APP: variants seen among roughly 807,000 people sequenced by gnomAD.
APP encodes the protein amyloid beta precursor protein, also known as amyloid-beta precursor protein.
Under a neutral mutation model 101.4 loss-of-function variants are expected in APP, and 31 were observed. The ratio of observed to expected loss-of-function variants is 0.31; its 90% confidence interval spans 0.23 to 0.41. The LOEUF (loss-of-function observed/expected upper bound fraction) is 0.41. Ranked by LOEUF, APP falls within the 10% of genes least tolerant of loss-of-function variation. APP has a pLI of 1.00. For missense variants in APP, 839 were observed against 1,003.7 expected (o/e 0.84, Z 2.22); for synonymous variants, 366 against 364.4 (o/e 1.00, Z -0.05).
intron 1 of APP, among the ~76,000 whole-genome samples, chr21:26,114,308 A>G (rs570576759): frequency 1.3e-5 from 2 of 152,292 alleles, no homozygotes; most frequent in East Asian, 3.9e-4. Context: ...CCAGCCTCCA[A>G]GAAGGCCCCC....
At position 26,124,758 on chromosome 21, in the gene APP, C is replaced by T. The variant is rs77352332; in HGVS notation, c.58-12612G>A. 5.5e-4 allele frequency among the ~76,000 whole-genome samples: 84 copies of T among 152,308 alleles called. 1 individual carries two copies. The highest frequency in any genetic ancestry group is 9.3e-4 in the Non-Finnish European group (63 of 68,026). ...ATGCTGATGGTTATCAAACACATGC[C>T]GTTCCCACTCTACACAGATAAGATT... is the stretch of plus-strand genomic sequence containing the variant. On this transcript the variant is annotated intron_variant, in intron 1 of 17. Transcript: ENST00000346798.
At chr21:25,883,089 A>T (rs771243981) in intron 17 of APP, among the ~76,000 whole-genome samples, 1 of 152,186 alleles carries the variant, frequency 6.6e-6, no homozygotes, top group Non-Finnish European at 1.5e-5. Flanking sequence ...ACACTGGCTG[A>T]TAACAATTCA....
At chr21:25,889,638 C>G (rs924374312) in intron 17 of APP, among the ~76,000 whole-genome samples, 6 of 152,152 alleles carry the variant, frequency 3.9e-5, no homozygotes, top group African/African-American at 1.2e-4. Context: ...GCCAGGAATT[C>G]AAGACCAGCC....
chr21:25,984,120 C>T (rs1191421631), intron 8 of APP, among the ~76,000 whole-genome samples: 1 of 152,164 alleles, frequency 6.6e-6, no homozygotes, highest in East Asian at 1.9e-4. Context: ...CTTCCCTCCT[C>T]CTCTGCTTAA....
intron 8 of APP, among the ~76,000 whole-genome samples, chr21:25,990,082 A>C (rs539260715): frequency 2.0e-5 from 3 of 150,324 alleles, no homozygotes; most frequent in Non-Finnish European, 4.4e-5. Context: ...GTAATACCAG[A>C]CTCTCTTAAA....
At chr21:26,024,444 T>C (rs547592502) in intron 5 of APP, among the ~76,000 whole-genome samples, 2 of 152,136 alleles carry the variant, frequency 1.3e-5, no homozygotes, top group Non-Finnish European at 2.9e-5. Context: ...AGCCTTGGAC[T>C]CGTAGTGAGA....
At chr21:25,998,628 C>T (rs73338758) in intron 7 of APP, among the ~76,000 whole-genome samples, 4,795 of 152,162 alleles carry the variant, frequency 0.032, 267 homozygotes, top group African/African-American at 0.11. Context: ...CTAGGAATCT[C>T]AGGCAGGAAA....
intron 8 of APP, among the ~76,000 whole-genome samples, chr21:25,990,476 T>TTA (rs1365445976): frequency 6.6e-6 from 1 of 152,194 alleles, no homozygotes; most frequent in Non-Finnish European, 1.5e-5. Context: ...GGGTTAACCT[T>TTA]AGGTTATTGT....
chr21:26,037,040 T>C (rs1373284988), intron 5 of APP, among the ~76,000 whole-genome samples: 1 of 152,100 alleles, frequency 6.6e-6, no homozygotes, highest in Middle Eastern at 3.2e-3. Flanking sequence ...TATTAAGCCA[T>C]ACAAAAGAAT....
intron 13 of APP, among the ~76,000 whole-genome samples, chr21:25,916,452 T>C (rs1223020069): frequency 6.6e-6 from 1 of 152,242 alleles, no homozygotes; most frequent in African/African-American, 2.4e-5. Flanking sequence ...GCTTACACAC[T>C]GGCACTGGGC....
At chr21:26,104,169 A>G (rs2062127040) in intron 2 of APP, among the ~76,000 whole-genome samples, 1 of 152,142 alleles carries the variant, frequency 6.6e-6, no homozygotes, top group African/African-American at 2.4e-5. Flanking sequence ...GCACATACTC[A>G]TGACCTCATC....
At chr21:26,064,562 T>A (rs2046386322) in intron 3 of APP, among the ~76,000 whole-genome samples, 2 of 151,712 alleles carry the variant, frequency 1.3e-5, no homozygotes, top group Admixed American at 1.3e-4. Context: ...TCATAGGGTT[T>A]TACTGGGGGC....
At chr21:26,075,958 A>G (rs1168860864) in intron 3 of APP, among the ~76,000 whole-genome samples, 1 of 152,052 alleles carries the variant, frequency 6.6e-6, no homozygotes, top group Non-Finnish European at 1.5e-5. Flanking sequence ...CAGTGGCGCG[A>G]TCTCGGCTCA....
intron 3 of APP, among the ~76,000 whole-genome samples, chr21:26,079,760 T>C (rs1288807644): frequency 6.6e-6 from 1 of 152,244 alleles, no homozygotes; most frequent in Non-Finnish European, 1.5e-5. Context: ...TTTTTATTTT[T>C]ACTTCTGTGG....
intron 3 of APP, among the ~76,000 whole-genome samples, chr21:26,075,912 A>C (rs563918262): frequency 2.0e-5 from 3 of 152,038 alleles, no homozygotes; most frequent in Non-Finnish European, 4.4e-5. Flanking sequence ...ATTTTTTTTG[A>C]GACGGAGTTT....
chr21:25,969,000 T>G (rs2041901377), intron 11 of APP, among the ~76,000 whole-genome samples: 1 of 152,128 alleles, frequency 6.6e-6, no homozygotes, highest in Non-Finnish European at 1.5e-5. Context: ...GTGATCTTTT[T>G]CAGACAACCA....
intron 1 of APP, among the ~76,000 whole-genome samples, chr21:26,145,428 T>C (rs2063133788): frequency 6.6e-6 from 1 of 152,202 alleles, no homozygotes; most frequent in Non-Finnish European, 1.5e-5. Flanking sequence ...CTCCCATGTT[T>C]AGTTCACAAT....
chr21:26,081,899 T>C (rs947537448), intron 3 of APP, among the ~76,000 whole-genome samples: 1 of 152,196 alleles, frequency 6.6e-6, no homozygotes, highest in African/African-American at 2.4e-5. Context: ...TGATCATATC[T>C]GAATGTCAGT....
At chr21:25,980,837 A>G (rs2042404594) in intron 9 of APP, among the ~76,000 whole-genome samples, 1 of 152,196 alleles carries the variant, frequency 6.6e-6, no homozygotes, top group Admixed American at 6.5e-5. Context: ...GCTCCCAAGA[A>G]GCCGGTACAT....
Sources: gnomAD v4.1 joint callset for allele counts (sites outside exome capture counted in the v4.1 genomes callset) on GRCh38, gnomAD v4.1.1 for gene constraint, MANE v1.5 for transcripts, NCBI Gene and HGNC (gene_info 2026-07-23, HGNC 2026-07-21) for gene names.